Variants in LEP observed in about 807,000 individuals in gnomAD.
LEP encodes the protein leptin.
LEP carries 6 observed loss-of-function variants against 9.8 expected under a neutral mutation model. That is an observed-to-expected ratio of 0.61 (90% CI 0.34 to 1.21). LEP has a LOEUF of 1.21. LEP is among the 50% of genes most tolerant of loss of function. The pLI, the probability that LEP is intolerant of heterozygous loss-of-function variation, is 0.04. For missense variants in LEP, 134 were observed against 198.1 expected, an observed-to-expected ratio of 0.68 and a Z score of 1.94; for synonymous variants, 112 against 81.7, an observed-to-expected ratio of 1.37 and a Z score of -2.00.
intron 2 of LEP, 44 bp from the exon 3 acceptor site, chr7:128,254,360 C>T (rs749826393): frequency 6.2e-7 from 1 of 1,607,362 alleles, no homozygotes; most frequent in Admixed American, 1.7e-5. Flanking sequence ...AGAGCGATTC[C>T]TCCCACATGC....
intron 1 of LEP, among the ~76,000 whole-genome samples, chr7:128,244,251 ACAC>A (rs1795185277): frequency 3.1e-4 from 1 of 3,206 alleles, no homozygotes; most frequent in Non-Finnish European, 1.0e-3. Context: ...ACCCTGACAC[ACAC>A]ACACACACAC....
chr7:128,245,638 C>CA (rs1337101868), intron 1 of LEP, among the ~76,000 whole-genome samples: 1 of 152,168 alleles, frequency 6.6e-6, no homozygotes, highest in African/African-American at 2.4e-5. Flanking sequence ...TAATTAATAG[C>CA]AAATACCATG....
At chr7:128,253,097 T>C (rs1795294478) in intron 2 of LEP, among the ~76,000 whole-genome samples, 1 of 152,078 alleles carries the variant, frequency 6.6e-6, no homozygotes, top group Non-Finnish European at 1.5e-5. Flanking sequence ...TCCTTGAATC[T>C]TAGTGCCTAC....
chr7:128,243,249 G>T (rs1011264352), intron 1 of LEP, among the ~76,000 whole-genome samples: 1 of 152,202 alleles, frequency 6.6e-6, no homozygotes, highest in African/African-American at 2.4e-5. Flanking sequence ...TGCTCAGTTT[G>T]TTAGCTCTAT....
chr7:128,253,215 G>A (rs1028335873), intron 2 of LEP, among the ~76,000 whole-genome samples: 3 of 152,108 alleles, frequency 2.0e-5, no homozygotes, highest in African/African-American at 7.2e-5. Context: ...TGTCATTAGG[G>A]TTCTTGTAGT....
At chr7:128,247,065 G>T (rs562823740) in intron 1 of LEP, among the ~76,000 whole-genome samples, 31 of 152,330 alleles carry the variant, frequency 2.0e-4, no homozygotes, top group Non-Finnish European at 3.8e-4. Flanking sequence ...GAATGATGCT[G>T]TATCAACATT....
intron 1 of LEP, among the ~76,000 whole-genome samples, chr7:128,246,738 T>C (rs1351091331): frequency 1.3e-5 from 2 of 152,080 alleles, no homozygotes; most frequent in Admixed American, 1.3e-4. Context: ...CCTGGGATTA[T>C]AGGCTGAGCC....
chr7:128,248,194 G>T (rs1020168797), intron 1 of LEP, among the ~76,000 whole-genome samples: 1 of 152,158 alleles, frequency 6.6e-6, no homozygotes, highest in Admixed American at 6.5e-5. Context: ...ACTTTGGGAG[G>T]CCAAGGCAGG....
In LEP at chr7:128,257,284, A is replaced by C. The variant is rs200356248; in HGVS notation, c.*2521A>C. 6.6e-6 allele frequency: 1 copy of C among 151,516 alleles called. No individual in the cohort carries two copies. The highest frequency in any genetic ancestry group is 1.5e-5 in the Non-Finnish European group (1 of 67,848). 9.4% of individuals were successfully genotyped at this position (151,516 alleles called of 1,614,324 possible). ...TTTGTAACTTAAAAAAAAAAAAAAA[A>C]GTTTGGCCGGGTGCGGTGGCTCACG... On this transcript the variant is annotated 3_prime_UTR_variant, in exon 3 of 3. Coordinates refer to ENST00000308868, the MANE Select transcript of LEP (RefSeq NM_000230.3).
intron 1 of LEP, among the ~76,000 whole-genome samples, chr7:128,243,232 T>A (rs1197247455): frequency 1.3e-5 from 2 of 152,206 alleles, no homozygotes; most frequent in Admixed American, 1.3e-4. Flanking sequence ...CATGTTACCG[T>A]CTTTCCTGCT....
chr7:128,253,572 C>A (rs1288623962), intron 2 of LEP, among the ~76,000 whole-genome samples: 4 of 152,072 alleles, frequency 2.6e-5, no homozygotes, highest in African/African-American at 9.7e-5. Context: ...TCCTCCTTAC[C>A]CCCTGCATGG....
rs886061974 is a variant in LEP at position 128,254,832 on chromosome 7, A to G, written c.*69A>G. 3 of 1,542,038 alleles carry G rather than the reference A, an allele frequency of 1.9e-6. No individual in the cohort carries two copies. The highest frequency in any genetic ancestry group is 2.6e-6 in the Non-Finnish European group (3 of 1,132,386). On this transcript the variant is annotated 3_prime_UTR_variant, in exon 3 of 3. Transcript: ENST00000308868. ...GGAACTCTGGCTTCCAGGTATCTCC[A>G]GGATTGAAGAGCATTGCATGGACAC... is the stretch of plus-strand genomic sequence containing the variant.
At chr7:128,248,356 C>T (rs908123033) in intron 1 of LEP, among the ~76,000 whole-genome samples, 8 of 151,984 alleles carry the variant, frequency 5.3e-5, no homozygotes, top group African/African-American at 9.7e-5. Context: ...GGCTTGAACC[C>T]GGGAGGTGGA....
At chr7:128,249,442 A>G (rs1282028919) in intron 1 of LEP, among the ~76,000 whole-genome samples, 1 of 152,216 alleles carries the variant, frequency 6.6e-6, no homozygotes, top group Non-Finnish European at 1.5e-5. Context: ...TCCAGGCATC[A>G]GAATGGAGCA....
chr7:128,243,973 G>A (rs1384067031), intron 1 of LEP, among the ~76,000 whole-genome samples: 1 of 152,084 alleles, frequency 6.6e-6, no homozygotes, highest in African/African-American at 2.4e-5. Context: ...CAGAAGTCAG[G>A]CACCATGGCT....
rs1245759141 is a variant in LEP at position 128,256,630 on chromosome 7, C to G, written c.*1867C>G. 1 of 152,226 alleles carries G rather than the reference C, an allele frequency of 6.6e-6. No homozygotes were observed. The highest frequency in any genetic ancestry group is 1.5e-5 in the Non-Finnish European group (1 of 68,052). 9.4% of individuals were successfully genotyped at this position (152,226 alleles called of 1,614,324 possible). On this transcript the variant is annotated 3_prime_UTR_variant, in exon 3 of 3. Coordinates refer to ENST00000308868, the MANE Select transcript of LEP (RefSeq NM_000230.3). The stretch of plus-strand genomic sequence containing the variant: ...CGTGCCCAGGGGCCCACAGGGAACC[C>G]TGCTTGCACTTTGTAACATGTTTAC...
intron 1 of LEP, among the ~76,000 whole-genome samples, chr7:128,246,617 C>CTATTTT (rs755489839): frequency 5.4e-5 from 8 of 147,966 alleles, no homozygotes; most frequent in East Asian, 2.0e-4. Context: ...CCACACTCAG[C>CTATTTT]TATTTTTATT....
chr7:128,250,098 A>G (rs7795794), intron 1 of LEP, among the ~76,000 whole-genome samples: 140,712 of 152,206 alleles, frequency 0.92, 65,162 homozygotes, highest in East Asian at 1. Context: ...GCATCTTGCC[A>G]GGAGACACAA....
chr7:128,252,217 C>T, intron 2 of LEP, 55 bp downstream of exon 2: 1 of 1,590,992 alleles, frequency 6.3e-7, no homozygotes, highest in Non-Finnish European at 8.6e-7. Context: ...GCACTGGCTC[C>T]TAGTGGCACT....
Sources: allele counts gnomAD v4.1 joint callset (sites outside exome capture counted in the v4.1 genomes callset), GRCh38; gene constraint gnomAD v4.1.1; transcripts MANE v1.5; gene names NCBI Gene and HGNC (gene_info 2026-07-23, HGNC 2026-07-21).